The following ST3GAL2 variants were observed in gnomAD, a reference collection of about 807,000 sequenced individuals.
The protein encoded by ST3GAL2 is ST3 beta-galactoside alpha-2,3-sialyltransferase 2.
A neutral mutation model predicts 37.5 loss-of-function variants in ST3GAL2; 16 were observed. The ratio of observed to expected loss-of-function variants is 0.43; its 90% CI spans 0.29 to 0.65. ST3GAL2 has a LOEUF of 0.65. Among genes scored for constraint, ST3GAL2 ranks in the 30% least tolerant of loss-of-function variants. The pLI is 0.17. For missense variants in ST3GAL2, 383 were observed against 487.8 expected, an observed-to-expected ratio of 0.79 and a Z score of 2.02; for synonymous variants, 238 against 202.9, an observed-to-expected ratio of 1.17 and a Z score of -1.47.
intron 1 of ST3GAL2, among the ~76,000 whole-genome samples, chr16:70,412,303 CTAA>C (rs1347739147): frequency 6.6e-6 from 1 of 152,152 alleles, no homozygotes; most frequent in Non-Finnish European, 1.5e-5. Context: ...TATTTGTGAT[CTAA>C]TTGTCAATTC....
chr16:70,438,085 A>C (rs1335492982), intron 1 of ST3GAL2, among the ~76,000 whole-genome samples: 1 of 152,240 alleles, frequency 6.6e-6, no homozygotes, highest in Non-Finnish European at 1.5e-5. Context: ...TGCAGTTGGC[A>C]AAAGATAAAT....
intron 1 of ST3GAL2, among the ~76,000 whole-genome samples, chr16:70,415,386 A>T (rs1444327020): frequency 2.0e-5 from 3 of 152,234 alleles, no homozygotes; most frequent in Non-Finnish European, 2.9e-5. Context: ...TCCGGGCGGC[A>T]CGGGGAAGGT....
At chr16:70,432,751 A>C (rs898546179) in intron 1 of ST3GAL2, among the ~76,000 whole-genome samples, 1 of 152,244 alleles carries the variant, frequency 6.6e-6, no homozygotes, top group African/African-American at 2.4e-5. Flanking sequence ...GCAGAGAGGA[A>C]GGAAAACTCG....
chr16:70,406,763 A>G (rs2047595098), intron 1 of ST3GAL2, among the ~76,000 whole-genome samples: 1 of 151,806 alleles, frequency 6.6e-6, no homozygotes, highest in South Asian at 2.1e-4. Flanking sequence ...CCTGGGTGAC[A>G]GAGTGAGACT....
chr16:70,385,698 CTTTTTTTTT>C (rs1034830291), intron 4 of ST3GAL2, among the ~76,000 whole-genome samples: 1 of 92,218 alleles, frequency 1.1e-5, no homozygotes, highest in South Asian at 3.4e-4. Context: ...TTTTTTGGTT[CTTTTTTTTT>C]TTTTTTTTTT....
At chr16:70,404,429 C>G (rs2047575417) in intron 1 of ST3GAL2, among the ~76,000 whole-genome samples, 1 of 152,106 alleles carries the variant, frequency 6.6e-6, no homozygotes, top group Non-Finnish European at 1.5e-5. Context: ...TTGCGAGGCT[C>G]AAGCACAGGA....
intron 1 of ST3GAL2, among the ~76,000 whole-genome samples, chr16:70,407,139 C>T (rs1260880889): frequency 6.7e-6 from 1 of 150,092 alleles, no homozygotes; most frequent in Non-Finnish European, 1.5e-5. Flanking sequence ...CAAGACAACA[C>T]TATGGCCTTT....
intron 1 of ST3GAL2, among the ~76,000 whole-genome samples, chr16:70,402,964 T>C (rs1241611231): frequency 6.6e-6 from 1 of 152,252 alleles, no homozygotes. Context: ...GAGTATTTCT[T>C]ATGTTTATTC....
At chr16:70,413,257 A>AG (rs1289788333) in intron 1 of ST3GAL2, among the ~76,000 whole-genome samples, 3 of 149,646 alleles carry the variant, frequency 2.0e-5, no homozygotes, top group African/African-American at 7.4e-5. Context: ...TCTCAAAAAA[A>AG]AAAAAAAAGT....
intron 3 of ST3GAL2, among the ~76,000 whole-genome samples, chr16:70,389,202 C>CCAAAA (rs2047464700): frequency 3.7e-5 from 1 of 27,362 alleles, no homozygotes; most frequent in Non-Finnish European, 6.7e-5. Context: ...CCCATCTCTA[C>CCAAAA]AAAAAAAAAA....
chr16:70,429,639 T>TC (rs1491387028), intron 1 of ST3GAL2, among the ~76,000 whole-genome samples: 1 of 108,470 alleles, frequency 9.2e-6, no homozygotes, highest in African/African-American at 5.6e-5. Context: ...CTTTAAATTC[T>TC]TTTTTTTTTT....
Position 70,379,167 on chromosome 16 carries a change from A to G in ST3GAL2, c.*2522T>C, listed in dbSNP as rs531019668. 3 of 152,282 alleles carry G rather than the reference A, an allele frequency of 2.0e-5. No homozygotes were observed. The highest frequency in any genetic ancestry group is 4.8e-5 in the African/African-American group (2 of 41,542). The allele number at this position is 152,282 out of a possible 1,614,324, so 9.4% of individuals were successfully genotyped here. On this transcript the variant is annotated 3_prime_UTR_variant, in exon 7 of 7. Transcript: ENST00000342907. ...ACCCAAATGTATCGGAGCCTGATGGATACCTGGAGACATCATGTTGACAGA... is the reference window on the plus strand; with the variant it reads ...ACCCAAATGTATCGGAGCCTGATGGGTACCTGGAGACATCATGTTGACAGA...
intron 6 of ST3GAL2, 27 bp from the exon 7 acceptor site, chr16:70,381,889 C>G (rs374079366): frequency 6.2e-7 from 1 of 1,610,420 alleles, no homozygotes; most frequent in African/African-American, 1.3e-5. Flanking sequence ...CGGAGCGTCA[C>G]CCCAGGCGGG....
At chr16:70,397,347 A>G (rs1416960592) in intron 2 of ST3GAL2, among the ~76,000 whole-genome samples, 3 of 151,630 alleles carry the variant, frequency 2.0e-5, no homozygotes, top group Admixed American at 1.3e-4. Flanking sequence ...GGCCTTCCCT[A>G]CAAGGCTTTC....
chr16:70,388,381 C>T lies in ST3GAL2; in HGVS notation c.699G>A (p.Thr233=), dbSNP rs756182431. 14 of 1,614,020 alleles carry T rather than the reference C, an allele frequency of 8.7e-6. No homozygotes were observed. The highest frequency in any genetic ancestry group is 6.7e-5 in the Admixed American group (4 of 59,980). The change falls in exon 4 of 7, where the codon ACG becomes ACA. Residue 233 remains threonine, a synonymous_variant. Transcript: ENST00000342907. ...AAGAAGCTCACAATCGGATCTGCCCCGTGGACAAGGCGCTGGCGATCCACA... is the reference window on the plus strand; with the variant it reads ...AAGAAGCTCACAATCGGATCTGCCCTGTGGACAAGGCGCTGGCGATCCACA... ...DLLWIASALS[T]GQIRFTYAPV...
intron 2 of ST3GAL2, among the ~76,000 whole-genome samples, chr16:70,396,069 T>G (rs538963278): frequency 6.6e-6 from 1 of 151,738 alleles, no homozygotes; most frequent in Non-Finnish European, 1.5e-5. Context: ...CCTCCCGGGT[T>G]CAAGGGATTC....
At chr16:70,409,268 AT>A (rs2047618835) in intron 1 of ST3GAL2, among the ~76,000 whole-genome samples, 1 of 152,024 alleles carries the variant, frequency 6.6e-6, no homozygotes, top group East Asian at 1.9e-4. Flanking sequence ...CCTCATCTCT[AT>A]TTTATGAAAA....
At chr16:70,431,154 T>C (rs2047787388) in intron 1 of ST3GAL2, among the ~76,000 whole-genome samples, 1 of 152,048 alleles carries the variant, frequency 6.6e-6, no homozygotes, top group Non-Finnish European at 1.5e-5. Flanking sequence ...GGCAATCTCC[T>C]GACGTGTGCC....
At chr16:70,427,179 G>T (rs148298626) in intron 1 of ST3GAL2, among the ~76,000 whole-genome samples, 1 of 151,874 alleles carries the variant, frequency 6.6e-6, no homozygotes. Context: ...TGACAGTCAC[G>T]CCCCTGAACA....
Sources: allele counts gnomAD v4.1 joint callset (sites outside exome capture counted in the v4.1 genomes callset), GRCh38; gene constraint gnomAD v4.1.1; transcripts MANE v1.5; gene names NCBI Gene and HGNC (gene_info 2026-07-23, HGNC 2026-07-21).